Variants in ZBTB20 observed in about 807,000 individuals in gnomAD.
The protein encoded by ZBTB20 is zinc finger and BTB domain-containing protein 20.
ZBTB20 carries 9 observed loss-of-function variants against 56.9 expected under a neutral mutation model. The ratio of observed to expected loss-of-function variants is 0.16; its 90% CI spans 0.10 to 0.28. ZBTB20 has a LOEUF of 0.28. Ranked by LOEUF, ZBTB20 falls within the 10% of genes least tolerant of loss-of-function variation. The pLI is 1.00. For synonymous variants in ZBTB20, 417 were observed against 420.7 expected (o/e 0.99, Z 0.11); for missense variants, 655 against 1,003.0 (o/e 0.65, Z 4.69).
intron 7 of ZBTB20, among the ~76,000 whole-genome samples, chr3:114,472,713 GAA>G (rs11331242): frequency 4.0e-4 from 59 of 148,456 alleles, no homozygotes; most frequent in Middle Eastern, 3.5e-3. Context: ...CATCTCAGAA[GAA>G]AAAAAAAAAA....
chr3:114,697,429 T>C (rs1256960085), intron 5 of ZBTB20, among the ~76,000 whole-genome samples: 1 of 152,050 alleles, frequency 6.6e-6, no homozygotes, highest in African/African-American at 2.4e-5. Flanking sequence ...TTATGGGACA[T>C]TTTGCTGCAG....
rs2078697304 is a variant in ZBTB20, at chr3:114,316,681, T to A, written c.*22324A>T. 1 of 407,000 alleles carries A rather than the reference T, an allele frequency of 2.5e-6. No individual in the cohort carries two copies. Among genetic ancestry groups the A allele is most frequent in the Non-Finnish European group, 5.0e-6 (1 of 199,486 alleles). The allele number at this position is 407,000 out of a possible 1,614,324, so 25.2% of individuals were successfully genotyped here. A position where few individuals can be genotyped will look rare whatever the true frequency, so the allele number is the denominator to read the frequency against. ...TGGAGCTTTAATTTATTTTTTAAAG[T>A]GCATTTTCAATGCAGAAAAACTGTA... On this transcript the variant is annotated 3_prime_UTR_variant, in exon 12 of 12. Transcript: ENST00000675478.
At chr3:114,788,978 G>A (rs1040273130) in intron 5 of ZBTB20, among the ~76,000 whole-genome samples, 3 of 152,020 alleles carry the variant, frequency 2.0e-5, no homozygotes, top group Admixed American at 6.6e-5. Flanking sequence ...AGGAAAAACC[G>A]CCCCTGTGAT....
chr3:115,006,462 T>TAC (rs756495763), intron 2 of ZBTB20, among the ~76,000 whole-genome samples: 1 of 147,474 alleles, frequency 6.8e-6, no homozygotes, highest in Middle Eastern at 3.5e-3. Flanking sequence ...TCCAGTTGGA[T>TAC]ATATATATAT....
intron 2 of ZBTB20, among the ~76,000 whole-genome samples, chr3:115,054,570 T>A (rs2081683376): frequency 6.6e-6 from 1 of 152,136 alleles, no homozygotes; most frequent in Non-Finnish European, 1.5e-5. Context: ...CTCTCTAGGC[T>A]AAGACTACAT....
At chr3:114,817,756 T>G (rs938048878) in intron 4 of ZBTB20, among the ~76,000 whole-genome samples, 5 of 152,072 alleles carry the variant, frequency 3.3e-5, no homozygotes, top group African/African-American at 1.2e-4. Flanking sequence ...AGAAAATTGG[T>G]TCTCAATAAA....
chr3:114,434,581 T>TGTGTGTGTGTGTGTG (rs1576744633), intron 7 of ZBTB20, among the ~76,000 whole-genome samples: 2 of 151,918 alleles, frequency 1.3e-5, no homozygotes, highest in African/African-American at 4.8e-5. Flanking sequence ...TGTGTGTATC[T>TGTGTGTGTGTGTGTG]TTCTAAGAGA....
chr3:114,936,434 A>T (rs2076537932), intron 3 of ZBTB20, among the ~76,000 whole-genome samples: 1 of 152,244 alleles, frequency 6.6e-6, no homozygotes, highest in African/African-American at 2.4e-5. Context: ...GTAAATGAGT[A>T]ATCATTACAT....
At chr3:114,742,785 C>T (rs1030718608) in intron 5 of ZBTB20, among the ~76,000 whole-genome samples, 1 of 152,116 alleles carries the variant, frequency 6.6e-6, no homozygotes, top group Non-Finnish European at 1.5e-5. Flanking sequence ...TACTCAGACC[C>T]TACCCCAGAA....
intron 7 of ZBTB20, among the ~76,000 whole-genome samples, chr3:114,432,169 GA>G (rs5851926): frequency 2.8e-5 from 4 of 144,996 alleles, no homozygotes; most frequent in African/African-American, 7.6e-5. Context: ...GATTCCATTA[GA>G]AAAAAAAAAA....
intron 5 of ZBTB20, among the ~76,000 whole-genome samples, chr3:114,743,089 A>T (rs903330278): frequency 9.9e-5 from 15 of 152,170 alleles, no homozygotes; most frequent in African/African-American, 3.4e-4. Context: ...TCACAGCAGA[A>T]CATGGTCATA....
intron 2 of ZBTB20, among the ~76,000 whole-genome samples, chr3:115,064,443 CTTTTTTTTTTTTTTT>C (rs34098178): frequency 1.3e-5 from 1 of 78,044 alleles, no homozygotes; most frequent in South Asian, 5.9e-4. Flanking sequence ...TCTCATAATT[CTTTTTTTTTTTTTTT>C]TTTTTTTTTT....
rs1491328231 is a variant in ZBTB20 at position 114,817,190 on chromosome 3, T to TACAC, written c.-416-16017_-416-16016insGTGT. On this transcript the variant is annotated intron_variant, in intron 4 of 11. Coordinates refer to ENST00000675478, the MANE Select transcript of ZBTB20 (RefSeq NM_001348800.3). Reference sequence around the variant, plus strand: ...CTATATGAAATATATTTATACAACTTATACACACACACACACACACACACA... The same window carrying TACAC: ...CTATATGAAATATATTTATACAACTTACACATACACACACACACACACACACACA... Among the ~76,000 whole-genome samples, 129 of 66,284 alleles carry TACAC rather than the reference T, an allele frequency of 1.9e-3. 1 individual carries two copies. The highest frequency in any genetic ancestry group is 6.9e-3 in the Middle Eastern group (1 of 144). 43.5% of individuals were successfully genotyped at this position (66,284 alleles called of 152,430 possible). A position where few individuals can be genotyped will look rare whatever the true frequency, so the allele number is the denominator to read the frequency against.
At chr3:114,964,845 G>A (rs1448701747) in intron 3 of ZBTB20, among the ~76,000 whole-genome samples, 1 of 152,098 alleles carries the variant, frequency 6.6e-6, no homozygotes, top group Non-Finnish European at 1.5e-5. Context: ...TACTAAACAA[G>A]GATAAGGTCT....
chr3:114,748,342 T>C, intron 5 of ZBTB20, among the ~76,000 whole-genome samples: 1 of 48,590 alleles, frequency 2.1e-5, no homozygotes, highest in African/African-American at 5.3e-5. Flanking sequence ...TTCTTCTTTC[T>C]TTCTTTCTTT....
chr3:114,797,862 G>A (rs2071428874), intron 5 of ZBTB20, among the ~76,000 whole-genome samples: 1 of 151,880 alleles, frequency 6.6e-6, no homozygotes, highest in Non-Finnish European at 1.5e-5. Flanking sequence ...GGTGGAGAGA[G>A]GGAAGACCTG....
chr3:114,654,476 A>C (rs1292194173), intron 6 of ZBTB20, among the ~76,000 whole-genome samples: 1 of 135,254 alleles, frequency 7.4e-6, no homozygotes, highest in Non-Finnish European at 1.8e-5. Flanking sequence ...TATAAACAAG[A>C]AGCATATTTT....
chr3:114,370,466 T>C (rs1228998217), intron 10 of ZBTB20, among the ~76,000 whole-genome samples: 1 of 152,200 alleles, frequency 6.6e-6, no homozygotes, highest in Non-Finnish European at 1.5e-5. Flanking sequence ...TTGGTGTCTG[T>C]GGCACCTGAT....
rs138024831 is a variant in ZBTB20, at chr3:114,449,870, T to G, written c.-255+50482A>C. Among the ~76,000 whole-genome samples the G allele has an allele frequency of 4.4e-3, 667 of 152,288 alleles. 5 individuals carry two copies. Among genetic ancestry groups the G allele is most frequent in the Non-Finnish European group, 7.7e-3 (526 of 68,012 alleles). Reference sequence around the variant, plus strand: ...GCAAATTCTCGTATCCCCAAATTTATGCACAATAGATACCCTTTAAAATCT... The same window carrying G: ...GCAAATTCTCGTATCCCCAAATTTAGGCACAATAGATACCCTTTAAAATCT... On this transcript the variant is annotated intron_variant, in intron 7 of 11. Transcript: ENST00000675478.
Sources: allele counts gnomAD v4.1 joint callset (sites outside exome capture counted in the v4.1 genomes callset), GRCh38; gene constraint gnomAD v4.1.1; transcripts MANE v1.5; gene names NCBI Gene and HGNC (gene_info 2026-07-23, HGNC 2026-07-21).